The following CD2AP variants were observed in gnomAD, a reference collection of about 807,000 sequenced individuals.
CD2AP encodes the protein CD2 associated protein, also known as CD2-associated protein.
Under a neutral mutation model 85.1 loss-of-function variants are expected in CD2AP, and 46 were observed. The observed-to-expected ratio is 0.54, with a 90% CI of 0.43 to 0.69. The LOEUF (loss-of-function observed/expected upper bound fraction) is 0.69. Ranked by LOEUF, CD2AP falls within the 30% of genes least tolerant of loss-of-function variation. CD2AP has a pLI of 0.00. For missense variants in CD2AP, 769 were observed against 729.5 expected (o/e 1.05, Z -0.62); for synonymous variants, 255 against 252.9 (o/e 1.01, Z -0.08).
chr6:47,532,283 C>T (rs1341877078), intron 2 of CD2AP, among the ~76,000 whole-genome samples: 1 of 149,314 alleles, frequency 6.7e-6, no homozygotes, highest in Admixed American at 6.7e-5. Flanking sequence ...GTGGAGGCTG[C>T]AGTGAGCCAT....
chr6:47,513,453 G>T (rs1017709981), intron 2 of CD2AP, among the ~76,000 whole-genome samples: 1 of 152,050 alleles, frequency 6.6e-6, no homozygotes, highest in Admixed American at 6.5e-5. Flanking sequence ...TGCATAAATT[G>T]AGTGGTCTGC....
In CD2AP at chr6:47,488,412, A is replaced by G. The variant is rs116219108; in HGVS notation, c.4+10164A>G. 7.9e-3 allele frequency among the ~76,000 whole-genome samples: 1,201 copies of G among 152,272 alleles called. 14 individuals are homozygous for G. Among genetic ancestry groups the G allele is most frequent in the African/African-American group, 0.027 (1,121 of 41,562 alleles). ...TGTAATTTTAAATTTTCTAGTAGCT[A>G]CATTTAAAAAGGAACATGTGAAATT... is the stretch of plus-strand genomic sequence containing the variant. On this transcript the variant is annotated intron_variant, in intron 1 of 17. Coordinates refer to ENST00000359314, the MANE Select transcript of CD2AP (RefSeq NM_012120.3).
intron 3 of CD2AP, among the ~76,000 whole-genome samples, chr6:47,543,792 C>T (rs1276732028): frequency 6.6e-6 from 1 of 152,188 alleles, no homozygotes; most frequent in Admixed American, 6.5e-5. Flanking sequence ...ATATGAATTT[C>T]GAGGGAACTT....
chr6:47,525,759 A>G (rs1193813625), intron 2 of CD2AP, among the ~76,000 whole-genome samples: 1 of 152,124 alleles, frequency 6.6e-6, no homozygotes, highest in Non-Finnish European at 1.5e-5. Context: ...CTCTTGTTGT[A>G]CTACCTACTC....
At chr6:47,537,993 T>G (rs574525000) in intron 3 of CD2AP, among the ~76,000 whole-genome samples, 1 of 151,964 alleles carries the variant, frequency 6.6e-6, no homozygotes, top group East Asian at 1.9e-4. Flanking sequence ...TCAAGTGATC[T>G]GCCCGCCTCA....
In CD2AP at chr6:47,544,684, ATAT is replaced by A; in HGVS notation, c.403_405del (p.Ile135del). ...GATGAACTGGAGCTGAAAGTGGGAG[ATAT>A]TATTGATATTAATGAAGAGGTAAGG... On this transcript the variant is annotated inframe_deletion, in exon 4 of 18. Transcript: ENST00000359314. The A allele has an allele frequency of 6.2e-7, 1 of 1,606,978 alleles. No homozygotes were observed. Among genetic ancestry groups the A allele is most frequent in the Non-Finnish European group, 8.5e-7 (1 of 1,173,726 alleles).
rs999806944 is a variant in CD2AP at position 47,625,590 on chromosome 6, T to G, written c.*1363T>G. The G allele has an allele frequency of 6.6e-6, 1 of 151,876 alleles. No individual in the cohort carries two copies. Among genetic ancestry groups the G allele is most frequent in the African/African-American group, 2.4e-5 (1 of 41,444 alleles). 9.4% of individuals were successfully genotyped at this position (151,876 alleles called of 1,614,324 possible). A position where few individuals can be genotyped will look rare whatever the true frequency, so the allele number is the denominator to read the frequency against. On this transcript the variant is annotated 3_prime_UTR_variant, in exon 18 of 18. Transcript: ENST00000359314. ...ATTTTTTATTTGCAAAAAATTGTTT[T>G]ATGCTTTATTATATCGCAAATGAGT...
At chr6:47,544,955 C>G (rs1767327375) in intron 4 of CD2AP, 1 of 344,192 alleles carries the variant, frequency 2.9e-6, no homozygotes, top group Non-Finnish European at 5.3e-6. Context: ...CGTAAACAAG[C>G]CTTTTCTTTG....
intron 17 of CD2AP, among the ~76,000 whole-genome samples, chr6:47,616,082 C>CTTTTTTTTT (rs562350159): frequency 0.027 from 1,704 of 63,670 alleles, 230 homozygotes; most frequent in Non-Finnish European, 0.035. Context: ...TGCGCCTGGC[C>CTTTTTTTTT]TTTTTTTTTT....
At chr6:47,568,045 A>G (rs1486158427) in intron 5 of CD2AP, among the ~76,000 whole-genome samples, 1 of 152,200 alleles carries the variant, frequency 6.6e-6, no homozygotes, top group Non-Finnish European at 1.5e-5. Flanking sequence ...TAGGATCTAT[A>G]TAAGTGATAG....
rs1218683472 is a variant in CD2AP, at chr6:47,624,614, G to A, written c.*387G>A. The A allele has an allele frequency of 1.6e-5, 3 of 183,980 alleles. No individual in the cohort carries two copies. The highest frequency in any genetic ancestry group is 1.1e-4 in the South Asian group (1 of 9,384). 11.4% of individuals were successfully genotyped at this position (183,980 alleles called of 1,614,324 possible). A position where few individuals can be genotyped will look rare whatever the true frequency, so the allele number is the denominator to read the frequency against. ...TCTGTTAAGATATACTATTTGAGAG[G>A]GACAGATTAGCCTTTTAGTAACTAT... On this transcript the variant is annotated 3_prime_UTR_variant, in exon 18 of 18. Transcript: ENST00000359314.
At chr6:47,537,715 A>G (rs1052222560) in intron 3 of CD2AP, among the ~76,000 whole-genome samples, 3 of 152,172 alleles carry the variant, frequency 2.0e-5, no homozygotes, top group African/African-American at 4.8e-5. Context: ...ACATCTCAGC[A>G]AAGTAGGCAG....
intron 1 of CD2AP, chr6:47,489,128 C>T (rs1303036574): frequency 6.8e-6 from 1 of 147,660 alleles, no homozygotes; most frequent in Non-Finnish European, 1.5e-5. Flanking sequence ...GAACTTTTTT[C>T]TACTCTTCCC....
chr6:47,560,602 A>T (rs1176336912), intron 5 of CD2AP, among the ~76,000 whole-genome samples: 1 of 151,900 alleles, frequency 6.6e-6, no homozygotes, highest in East Asian at 1.9e-4. Flanking sequence ...TTAGATTCAG[A>T]TTATATTTTA....
chr6:47,495,948 A>G (rs1765847601), intron 1 of CD2AP, among the ~76,000 whole-genome samples: 1 of 152,058 alleles, frequency 6.6e-6, no homozygotes, highest in Admixed American at 6.6e-5. Context: ...TTAACTCCCA[A>G]CTTTGTTACT....
intron 2 of CD2AP, among the ~76,000 whole-genome samples, chr6:47,505,557 C>T (rs370307845): frequency 3.7e-3 from 455 of 123,820 alleles, no homozygotes; most frequent in East Asian, 8.3e-3. Flanking sequence ...ACCTCCCAGA[C>T]GGGGTGGTGG....
At chr6:47,544,843 A>T in intron 4 of CD2AP, 137 bp downstream of exon 4, 1 of 646,698 alleles carries the variant, frequency 1.5e-6, no homozygotes, top group Non-Finnish European at 2.7e-6. Flanking sequence ...GAGTTTCTTT[A>T]CTCATCCTTG....
At chr6:47,582,505 T>A (rs1768507267) in intron 11 of CD2AP, among the ~76,000 whole-genome samples, 1 of 152,222 alleles carries the variant, frequency 6.6e-6, no homozygotes, top group South Asian at 2.1e-4. Context: ...ACATGTATTT[T>A]GCTAAAAACC....
chr6:47,621,461 A>G (rs1013808733), intron 17 of CD2AP, among the ~76,000 whole-genome samples: 2 of 152,214 alleles, frequency 1.3e-5, no homozygotes, highest in South Asian at 2.1e-4. Flanking sequence ...TTTGTTAAGG[A>G]TTTTAACATC....
Sources: gnomAD v4.1 joint callset for allele counts (sites outside exome capture counted in the v4.1 genomes callset) on GRCh38, gnomAD v4.1.1 for gene constraint, MANE v1.5 for transcripts, NCBI Gene and HGNC (gene_info 2026-07-23, HGNC 2026-07-21) for gene names.